Variants in POU6F2 observed in about 807,000 individuals in gnomAD.
POU6F2 encodes the protein POU domain, class 6, transcription factor 2.
A neutral mutation model predicts 71.3 loss-of-function variants in POU6F2; 31 were observed. The observed-to-expected ratio is 0.43, with a 90% confidence interval of 0.33 to 0.59. The LOEUF (loss-of-function observed/expected upper bound fraction) is 0.59. Among genes scored for constraint, POU6F2 ranks in the 20% least tolerant of loss-of-function variants. POU6F2 has a pLI of 0.04. For missense variants in POU6F2, 783 were observed against 856.8 expected, an observed-to-expected ratio of 0.91 and a Z score of 1.07; for synonymous variants, 347 against 355.7, an observed-to-expected ratio of 0.98 and a Z score of 0.27.
At chr7:39,236,574 A>C (rs1329051679) in intron 4 of POU6F2, among the ~76,000 whole-genome samples, 1 of 152,200 alleles carries the variant, frequency 6.6e-6, no homozygotes, top group Non-Finnish European at 1.5e-5. Context: ...TTTCCAGTGC[A>C]TACATTTCTT....
chr7:39,008,543 A>C (rs1789158313), intron 1 of POU6F2, among the ~76,000 whole-genome samples: 1 of 150,770 alleles, frequency 6.6e-6, no homozygotes, highest in African/African-American at 2.4e-5. Context: ...CCCATTTGTC[A>C]ATTTTGGCTT....
chr7:39,148,811 T>C (rs1468517550), intron 2 of POU6F2, among the ~76,000 whole-genome samples: 2 of 152,198 alleles, frequency 1.3e-5, no homozygotes, highest in Non-Finnish European at 2.9e-5. Flanking sequence ...ACTCCAGAGA[T>C]ACTGCATTAT....
intron 7 of POU6F2, among the ~76,000 whole-genome samples, chr7:39,442,182 G>A (rs1486556040): frequency 6.6e-6 from 1 of 152,070 alleles, no homozygotes; most frequent in African/African-American, 2.4e-5. Flanking sequence ...CCATGTGTCT[G>A]GCATTGGTAC....
intron 4 of POU6F2, among the ~76,000 whole-genome samples, chr7:39,297,586 T>G: frequency 6.6e-6 from 1 of 151,138 alleles, no homozygotes; most frequent in African/African-American, 2.5e-5. Flanking sequence ...TGCTCCCCTC[T>G]TAAGTCCAGT....
intron 5 of POU6F2, among the ~76,000 whole-genome samples, chr7:39,380,892 C>A (rs1358367408): frequency 6.6e-6 from 1 of 152,164 alleles, no homozygotes; most frequent in East Asian, 1.9e-4. Flanking sequence ...CCACTAGTTT[C>A]TCCAGTGGGC....
intron 2 of POU6F2, among the ~76,000 whole-genome samples, chr7:39,146,319 GA>G (rs2128732969): frequency 6.6e-6 from 1 of 152,276 alleles, no homozygotes; most frequent in East Asian, 1.9e-4. Context: ...TGCTTTTGAG[GA>G]AGCAAAGGGT....
chr7:39,169,534 A>C (rs1793174668), intron 2 of POU6F2, among the ~76,000 whole-genome samples: 1 of 152,230 alleles, frequency 6.6e-6, no homozygotes. Flanking sequence ...CAAGTCATAC[A>C]ATGTTTAAAA....
chr7:39,218,234 C>T (rs962139184), intron 4 of POU6F2, among the ~76,000 whole-genome samples: 7 of 152,144 alleles, frequency 4.6e-5, no homozygotes, highest in African/African-American at 1.7e-4. Context: ...GTTTGAAATT[C>T]ACAATCTCAC....
intron 4 of POU6F2, among the ~76,000 whole-genome samples, chr7:39,306,389 G>A (rs1292128796): frequency 6.6e-6 from 1 of 152,138 alleles, no homozygotes; most frequent in African/African-American, 2.4e-5. Flanking sequence ...ATTCTTGCAG[G>A]TGGGTATCAT....
chr7:39,444,485 A>G (rs1788478225), intron 7 of POU6F2, among the ~76,000 whole-genome samples: 1 of 152,190 alleles, frequency 6.6e-6, no homozygotes, highest in Admixed American at 6.5e-5. Flanking sequence ...TTGGGAGGCT[A>G]AGGCACGAGA....
intron 5 of POU6F2, among the ~76,000 whole-genome samples, chr7:39,387,264 C>T (rs1400755056): frequency 3.3e-5 from 5 of 152,208 alleles, no homozygotes; most frequent in Non-Finnish European, 5.9e-5. Context: ...CACGCATGAA[C>T]ACACATGGCC....
chr7:39,292,377 A>T (rs1784776158), intron 4 of POU6F2, among the ~76,000 whole-genome samples: 1 of 152,198 alleles, frequency 6.6e-6, no homozygotes, highest in Non-Finnish European at 1.5e-5. Context: ...ATTATGGGAA[A>T]GAAAGGGCAG....
At chr7:39,458,777 C>T (rs1414986542) in intron 8 of POU6F2, among the ~76,000 whole-genome samples, 1 of 152,098 alleles carries the variant, frequency 6.6e-6, no homozygotes, top group Non-Finnish European at 1.5e-5. Flanking sequence ...ATTCACTACT[C>T]CTAGCACGAA....
At chr7:39,323,483 G>A (rs1394871681) in intron 4 of POU6F2, among the ~76,000 whole-genome samples, 2 of 152,146 alleles carry the variant, frequency 1.3e-5, no homozygotes, top group East Asian at 1.9e-4. Flanking sequence ...ATCCCCGTCT[G>A]CTGGCTGTGG....
intron 4 of POU6F2, among the ~76,000 whole-genome samples, chr7:39,332,693 C>T (rs1562793442): frequency 6.6e-6 from 1 of 152,018 alleles, no homozygotes; most frequent in East Asian, 1.9e-4. Flanking sequence ...TTGTATGTGG[C>T]CCTTCATTTT....
At chr7:39,172,379 A>G (rs1242786262) in intron 2 of POU6F2, among the ~76,000 whole-genome samples, 1 of 152,240 alleles carries the variant, frequency 6.6e-6, no homozygotes, top group African/African-American at 2.4e-5. Flanking sequence ...CTGAACTTCT[A>G]CAGAGTAATT....
intron 1 of POU6F2, among the ~76,000 whole-genome samples, chr7:39,033,242 G>A (rs1263300717): frequency 2.0e-5 from 3 of 152,110 alleles, no homozygotes; most frequent in Non-Finnish European, 2.9e-5. Context: ...GTGGCTACCC[G>A]GCGAACTGAT....
intron 1 of POU6F2, among the ~76,000 whole-genome samples, chr7:39,055,463 C>T (rs557990960): frequency 1.8e-4 from 28 of 152,128 alleles, no homozygotes; most frequent in African/African-American, 5.8e-4. Flanking sequence ...GGGCAGATTC[C>T]GCACTTTAAA....
At chr7:39,010,076 T>G (rs988862878) in intron 1 of POU6F2, among the ~76,000 whole-genome samples, 1 of 131,178 alleles carries the variant, frequency 7.6e-6, no homozygotes, top group African/African-American at 2.7e-5. Flanking sequence ...TTCTATTGAT[T>G]GGAATAGTTT....
Sources: gnomAD v4.1 joint callset for allele counts (sites outside exome capture counted in the v4.1 genomes callset) on GRCh38, gnomAD v4.1.1 for gene constraint, MANE v1.5 for transcripts, NCBI Gene and HGNC (gene_info 2026-07-23, HGNC 2026-07-21) for gene names.